CADM1: variants seen among roughly 807,000 people sequenced by gnomAD.
CADM1 encodes the protein TSLC-1.
Under a neutral mutation model 53.1 loss-of-function variants are expected in CADM1, and 15 were observed. The observed-to-expected ratio is 0.28, with a 90% CI of 0.19 to 0.44. The LOEUF (loss-of-function observed/expected upper bound fraction) is 0.44, where lower values mean the gene tolerates loss of function less well. Ranked by LOEUF, CADM1 falls within the 20% of genes least tolerant of loss-of-function variation. The pLI, the probability that CADM1 is intolerant of heterozygous loss-of-function variation, is 1.00. For synonymous variants in CADM1, 281 were observed against 243.0 expected, an observed-to-expected ratio of 1.16 and a Z score of -1.45; for missense variants, 434 against 611.3, an observed-to-expected ratio of 0.71 and a Z score of 3.06.
At chr11:115,367,957 G>T (rs1033144863) in intron 1 of CADM1, among the ~76,000 whole-genome samples, 2 of 151,710 alleles carry the variant, frequency 1.3e-5, no homozygotes, top group Non-Finnish European at 2.9e-5. Context: ...AAATGTCTAG[G>T]TATAGTATTT....
At chr11:115,331,486 T>G (rs1945126878) in intron 1 of CADM1, among the ~76,000 whole-genome samples, 1 of 152,186 alleles carries the variant, frequency 6.6e-6, no homozygotes, top group African/African-American at 2.4e-5. Flanking sequence ...GTAAGCACAT[T>G]GTTCAGGTTA....
intron 1 of CADM1, among the ~76,000 whole-genome samples, chr11:115,304,382 C>T (rs1944308868): frequency 6.6e-6 from 1 of 152,014 alleles, no homozygotes; most frequent in Non-Finnish European, 1.5e-5. Flanking sequence ...TGCAGCAGCT[C>T]CCCGTTATGA....
intron 1 of CADM1, among the ~76,000 whole-genome samples, chr11:115,315,652 AT>A (rs1944645014): frequency 6.9e-6 from 1 of 145,964 alleles, no homozygotes; most frequent in East Asian, 2.0e-4. Flanking sequence ...TTAAACACAC[AT>A]CACATATGTT....
At chr11:115,493,975 T>C (rs1949553859) in intron 1 of CADM1, among the ~76,000 whole-genome samples, 1 of 152,170 alleles carries the variant, frequency 6.6e-6, no homozygotes, top group Non-Finnish European at 1.5e-5. Flanking sequence ...TGGGGAAATA[T>C]GAACATAGAC....
rs1939007394 is a variant in CADM1, at chr11:115,175,934, G to T, written c.*540C>A. On this transcript the variant is annotated 3_prime_UTR_variant, in exon 12 of 12. Coordinates refer to ENST00000331581, the MANE Select transcript of CADM1 (RefSeq NM_001301043.2). ...ATGGATACACTAAATTCTGAACTAT[G>T]AAATCTAAGCTGTGCTGGTTCTCCT... is the stretch of plus-strand genomic sequence containing the variant. 9.9e-7 allele frequency: 1 copy of T among 1,011,384 alleles called. No individual in the cohort carries two copies. Among genetic ancestry groups the T allele is most frequent in the South Asian group, 4.1e-5 (1 of 24,462 alleles). The allele number at this position is 1,011,384 out of a possible 1,614,324, so 62.7% of individuals were successfully genotyped here. A position where few individuals can be genotyped will look rare whatever the true frequency, so the allele number is the denominator to read the frequency against.
At chr11:115,268,685 T>C (rs1943212202) in intron 1 of CADM1, among the ~76,000 whole-genome samples, 1 of 152,140 alleles carries the variant, frequency 6.6e-6, no homozygotes, top group Non-Finnish European at 1.5e-5. Flanking sequence ...AAACTGTCAA[T>C]CTTCATAATG....
chr11:115,368,691 T>C (rs1370474842), intron 1 of CADM1, among the ~76,000 whole-genome samples: 3 of 152,096 alleles, frequency 2.0e-5, no homozygotes, highest in African/African-American at 7.2e-5. Context: ...TGGGTTAACA[T>C]GACTCTGAGA....
At chr11:115,385,694 T>C (rs1395216454) in intron 1 of CADM1, among the ~76,000 whole-genome samples, 1 of 150,108 alleles carries the variant, frequency 6.7e-6, no homozygotes, top group Non-Finnish European at 1.5e-5. Context: ...TTAATCAAGA[T>C]TTTGCAATCT....
intron 1 of CADM1, among the ~76,000 whole-genome samples, chr11:115,351,208 A>G (rs1192921793): frequency 6.6e-6 from 1 of 152,130 alleles, no homozygotes; most frequent in East Asian, 1.9e-4. Context: ...AAATTCCACC[A>G]TGTTTGCAAT....
At chr11:115,430,798 T>G (rs746488393) in intron 1 of CADM1, among the ~76,000 whole-genome samples, 1 of 152,144 alleles carries the variant, frequency 6.6e-6, no homozygotes, top group Non-Finnish European at 1.5e-5. Flanking sequence ...AATACTCTCC[T>G]CCAGATAAAA....
chr11:115,438,991 G>A (rs1265301852), intron 1 of CADM1, among the ~76,000 whole-genome samples: 1 of 152,166 alleles, frequency 6.6e-6, no homozygotes, highest in Non-Finnish European at 1.5e-5. Flanking sequence ...ATCCTGTCAA[G>A]CAATCTTAAA....
At chr11:115,420,297 G>A (rs1315832895) in intron 1 of CADM1, among the ~76,000 whole-genome samples, 1 of 152,196 alleles carries the variant, frequency 6.6e-6, no homozygotes, top group African/African-American at 2.4e-5. Flanking sequence ...ACTTGGAATT[G>A]ACTTGCTCCT....
At chr11:115,454,552 G>T (rs1214238133) in intron 1 of CADM1, among the ~76,000 whole-genome samples, 1 of 152,160 alleles carries the variant, frequency 6.6e-6, no homozygotes, top group Non-Finnish European at 1.5e-5. Context: ...TTGCTATAGG[G>T]TCAAAAGAGT....
chr11:115,319,679 AG>A (rs1944769822), intron 1 of CADM1, among the ~76,000 whole-genome samples: 1 of 152,180 alleles, frequency 6.6e-6, no homozygotes, highest in Admixed American at 6.5e-5. Flanking sequence ...CTTAACAAAA[AG>A]GGCCAGACTG....
At chr11:115,232,973 C>T (rs943825235) in intron 3 of CADM1, among the ~76,000 whole-genome samples, 2 of 152,132 alleles carry the variant, frequency 1.3e-5, no homozygotes, top group Non-Finnish European at 2.9e-5. Flanking sequence ...TGGTATTAAA[C>T]CAAGTATTTG....
chr11:115,450,401 C>G (rs977272971), intron 1 of CADM1, among the ~76,000 whole-genome samples: 3 of 152,192 alleles, frequency 2.0e-5, no homozygotes, highest in African/African-American at 7.2e-5. Flanking sequence ...AGTTCTAAAA[C>G]TGTGCTTCTA....
At chr11:115,270,119 C>T (rs542326667) in intron 1 of CADM1, among the ~76,000 whole-genome samples, 1 of 152,230 alleles carries the variant, frequency 6.6e-6, no homozygotes, top group South Asian at 2.1e-4. Context: ...CCAGTATGAC[C>T]AAAATGACAG....
At chr11:115,274,403 C>T (rs924497452) in intron 1 of CADM1, among the ~76,000 whole-genome samples, 1 of 152,198 alleles carries the variant, frequency 6.6e-6, no homozygotes, top group Non-Finnish European at 1.5e-5. Flanking sequence ...TAGTTATCGC[C>T]CAGGGAGATT....
At chr11:115,235,878 T>C (rs550310306) in intron 3 of CADM1, among the ~76,000 whole-genome samples, 67 of 152,276 alleles carry the variant, frequency 4.4e-4, no homozygotes, top group African/African-American at 1.4e-3. Context: ...TGAATAGTAG[T>C]ATAAAGAGAG....
Sources: allele counts gnomAD v4.1 joint callset (sites outside exome capture counted in the v4.1 genomes callset), GRCh38; gene constraint gnomAD v4.1.1; transcripts MANE v1.5; gene names NCBI Gene and HGNC (gene_info 2026-07-23, HGNC 2026-07-21).